Variants in PAG1 observed in about 807,000 individuals in gnomAD.
PAG1 encodes phosphoprotein membrane anchor with glycosphingolipid microdomains 1.
Under a neutral mutation model 31.7 loss-of-function variants are expected in PAG1, and 23 were observed. That is an observed-to-expected ratio of 0.73 (90% CI 0.52 to 1.03). The LOEUF (loss-of-function observed/expected upper bound fraction) is 1.03, where lower values mean the gene tolerates loss of function less well. PAG1 is among the 50% of genes least tolerant of loss of function. The pLI is 0.00. For missense variants in PAG1, 473 were observed against 540.7 expected, an observed-to-expected ratio of 0.87 and a Z score of 1.24; for synonymous variants, 214 against 210.3, an observed-to-expected ratio of 1.02 and a Z score of -0.15.
At chr8:81,073,645 T>C (rs1809129185) in intron 1 of PAG1, among the ~76,000 whole-genome samples, 3 of 152,196 alleles carry the variant, frequency 2.0e-5, no homozygotes, top group Non-Finnish European at 4.4e-5. Context: ...AAATACTTTC[T>C]TTAAGGAGAA....
intron 1 of PAG1, among the ~76,000 whole-genome samples, chr8:81,107,198 T>A (rs1423944947): frequency 6.6e-6 from 1 of 152,164 alleles, no homozygotes; most frequent in African/African-American, 2.4e-5. Context: ...GCTCATTGCG[T>A]GAACTAAGCT....
At position 80,987,377 on chromosome 8, in the gene PAG1, A is replaced by G; in HGVS notation, c.267T>C (p.Asn89=). The change falls in exon 6 of 9, where the codon AAT becomes AAC. Residue 89 remains asparagine, a synonymous_variant. Coordinates refer to ENST00000220597, the MANE Select transcript of PAG1 (RefSeq NM_018440.4). ...TGTTTTTGCAGAACTTACTGTCCCC[A>G]TTGGTGAGTGCCCCATTCTGCTCAC... ...ASSEQNGALT[N]GDILSEDSTL... 1.9e-6 allele frequency: 3 copies of G among 1,608,952 alleles called. No individual in the cohort carries two copies. The highest frequency in any genetic ancestry group is 1.7e-6 in the Non-Finnish European group (2 of 1,175,230).
At chr8:81,045,907 T>C (rs1563641506) in intron 2 of PAG1, among the ~76,000 whole-genome samples, 1 of 152,242 alleles carries the variant, frequency 6.6e-6, no homozygotes. Context: ...TAAGGATCTC[T>C]CATGTCAGGC....
chr8:81,065,264 T>A (rs1201814364), intron 2 of PAG1, among the ~76,000 whole-genome samples: 1 of 152,238 alleles, frequency 6.6e-6, no homozygotes, highest in Admixed American at 6.5e-5. Flanking sequence ...ACAAACCTTA[T>A]TCTTCATGAA....
At chr8:81,016,865 G>A (rs974089296) in intron 3 of PAG1, among the ~76,000 whole-genome samples, 1 of 152,160 alleles carries the variant, frequency 6.6e-6, no homozygotes, top group African/African-American at 2.4e-5. Context: ...GGATACTTAG[G>A]CATTCTCTAG....
chr8:81,108,247 T>A (rs2131143823), intron 1 of PAG1, among the ~76,000 whole-genome samples: 1 of 152,286 alleles, frequency 6.6e-6, no homozygotes, highest in African/African-American at 2.4e-5. Context: ...AATTAACTAT[T>A]AAGTAAGCAA....
Position 80,977,494 on chromosome 8 carries a change from T to C in PAG1, c.937-588A>G, listed in dbSNP as rs535926187. Among the ~76,000 whole-genome samples the C allele has an allele frequency of 2.4e-4, 36 of 152,328 alleles. 1 individual carries two copies. The highest frequency in any genetic ancestry group is 6.7e-4 in the African/African-American group (28 of 41,576). ...AACTCTGAATTAGACTACTCCATGC[T>C]TCCTGCATCACAGTGGTCTCCAACA... On this transcript the variant is annotated intron_variant, in intron 8 of 8. Coordinates refer to ENST00000220597, the MANE Select transcript of PAG1 (RefSeq NM_018440.4).
chr8:81,007,270 T>A (rs1807898262), intron 3 of PAG1, among the ~76,000 whole-genome samples: 1 of 151,984 alleles, frequency 6.6e-6, no homozygotes, highest in Admixed American at 6.6e-5. Flanking sequence ...TTTAAGTTAA[T>A]TTATCATAAA....
chr8:81,022,652 C>T (rs545685278), intron 3 of PAG1, among the ~76,000 whole-genome samples: 174 of 152,116 alleles, frequency 1.1e-3, no homozygotes, highest in African/African-American at 4.1e-3. Context: ...TTATAATTGG[C>T]ATTTCAAAAT....
intron 7 of PAG1, among the ~76,000 whole-genome samples, 177 bp from the exon 8 acceptor site, chr8:80,980,671 G>A (rs573665347): frequency 1.3e-5 from 2 of 152,198 alleles, no homozygotes; most frequent in South Asian, 2.1e-4. Context: ...TATGATGTTC[G>A]GGGATATCTA....
At chr8:81,005,022 C>T (rs990428701) in intron 3 of PAG1, among the ~76,000 whole-genome samples, 3 of 152,146 alleles carry the variant, frequency 2.0e-5, no homozygotes, top group Non-Finnish European at 4.4e-5. Context: ...AAAGTGAAAG[C>T]TTAAAACAGA....
At chr8:81,093,795 G>T (rs1809484644) in intron 1 of PAG1, among the ~76,000 whole-genome samples, 1 of 152,102 alleles carries the variant, frequency 6.6e-6, no homozygotes, top group Non-Finnish European at 1.5e-5. Flanking sequence ...AATAACCTCA[G>T]GAAGGAGTGT....
rs1281104902 is a variant in PAG1, at chr8:80,971,246, GA to G, written c.*5297del. 1 of 152,158 alleles carries G rather than the reference GA, an allele frequency of 6.6e-6. No homozygotes were observed. The highest frequency in any genetic ancestry group is 6.5e-5 in the Admixed American group (1 of 15,278). 9.4% of individuals were successfully genotyped at this position (152,158 alleles called of 1,614,324 possible). A position where few individuals can be genotyped will look rare whatever the true frequency, so the allele number is the denominator to read the frequency against. On this transcript the variant is annotated 3_prime_UTR_variant, in exon 9 of 9. Coordinates refer to ENST00000220597, the MANE Select transcript of PAG1 (RefSeq NM_018440.4). Reference sequence around the variant, plus strand: ...CAATGAAAATGCTACTAAGTGTCATGAATTATTTTTTAATATTTTTGAGTAA... The same window carrying G: ...CAATGAAAATGCTACTAAGTGTCATGATTATTTTTTAATATTTTTGAGTAA...
At chr8:81,038,996 G>C (rs1030212806) in intron 2 of PAG1, among the ~76,000 whole-genome samples, 1 of 152,146 alleles carries the variant, frequency 6.6e-6, no homozygotes, top group African/African-American at 2.4e-5. Context: ...ACCCTAACAA[G>C]AGTTTTGCAA....
At position 81,013,369 on chromosome 8, in the gene PAG1, T is replaced by C. The variant is rs1036693283; in HGVS notation, c.-81+16627A>G. ...CTGCCATCCCATATCCAGCTGCACC[T>C]GGGCTTCTCTGCCTGGGTGTCCCCC... On this transcript the variant is annotated intron_variant, in intron 3 of 8. Transcript: ENST00000220597. Among the ~76,000 whole-genome samples the C allele has an allele frequency of 2.0e-5, 3 of 152,204 alleles. No individual in the cohort carries two copies. The East Asian group carries it at 5.8e-4, about 29-fold the overall frequency.
At chr8:80,980,298 C>T (rs1261628795) in intron 8 of PAG1, 137 bp downstream of exon 8, 2 of 603,758 alleles carry the variant, frequency 3.3e-6, no homozygotes, top group Admixed American at 6.0e-5. Context: ...ACCAGCATCC[C>T]AAGTCTTCAT....
At chr8:81,066,476 T>C (rs774658169) in intron 2 of PAG1, among the ~76,000 whole-genome samples, 1 of 152,090 alleles carries the variant, frequency 6.6e-6, no homozygotes, top group Non-Finnish European at 1.5e-5. Context: ...TAAATAAAAC[T>C]ATGCCCTAGG....
At position 81,037,533 on chromosome 8, in the gene PAG1, T is replaced by G. The variant is rs1042180064; in HGVS notation, c.-174-7444A>C. Among the ~76,000 whole-genome samples, 3 of 152,186 alleles carry G rather than the reference T, an allele frequency of 2.0e-5. No homozygotes were observed. The East Asian group carries it at 5.8e-4, about 29-fold the overall frequency. ...TCTTGTTGGCACAGAATAGAATAGT[T>G]TATAATGTGCAGCACGATGTGTTTA... On this transcript the variant is annotated intron_variant, in intron 2 of 8. Transcript: ENST00000220597.
At chr8:81,036,388 G>GA (rs201460218) in intron 2 of PAG1, among the ~76,000 whole-genome samples, 3,071 of 150,814 alleles carry the variant, frequency 0.02, 59 homozygotes, top group Non-Finnish European at 0.028. Context: ...ACTTTTGGTA[G>GA]AAAAAAAAAT....
Sources: allele counts gnomAD v4.1 joint callset (sites outside exome capture counted in the v4.1 genomes callset), GRCh38; gene constraint gnomAD v4.1.1; transcripts MANE v1.5; gene names NCBI Gene and HGNC (gene_info 2026-07-23, HGNC 2026-07-21).